Variants in TCAIM observed in about 807,000 individuals in gnomAD.
TCAIM encodes the protein T cell activation inhibitor, mitochondrial, also known as T-cell activation inhibitor, mitochondrial.
A neutral mutation model predicts 58.6 loss-of-function variants in TCAIM; 36 were observed. The ratio of observed to expected loss-of-function variants is 0.61; its 90% confidence interval spans 0.47 to 0.81. The LOEUF is 0.81. TCAIM is among the 30% of genes least tolerant of loss of function. The pLI is 0.00. For synonymous variants in TCAIM, 172 were observed against 193.6 expected (o/e 0.89, Z 0.93); for missense variants, 466 against 579.6 (o/e 0.80, Z 2.01).
intron 3 of TCAIM, 110 bp from the exon 4 acceptor site, chr3:44,361,255 A>T (rs768546718): frequency 9.4e-6 from 9 of 954,376 alleles, no homozygotes; most frequent in Non-Finnish European, 1.3e-5. Flanking sequence ...AACATTTTTA[A>T]ATACTAAATT....
intron 5 of TCAIM, among the ~76,000 whole-genome samples, chr3:44,389,526 A>G (rs1701798074): frequency 6.6e-6 from 1 of 152,214 alleles, no homozygotes; most frequent in South Asian, 2.1e-4. Context: ...TCAATAAATC[A>G]TGCTTTCTCT....
In TCAIM at chr3:44,396,775, A is replaced by G. The variant is rs1429805999; in HGVS notation, c.826A>G (p.Met276Val). 8 of 1,614,106 alleles carry G rather than the reference A, an allele frequency of 5.0e-6. No homozygotes were observed. In the East Asian group the frequency reaches 1.1e-4, roughly 22 times the overall value. The change falls in exon 8 of 11, where the codon ATG becomes GTG. Residue 276 changes from methionine to valine, a missense_variant. By Grantham distance (21) the Met-to-Val change is conservative (BLOSUM62 1). Coordinates refer to ENST00000342649, the MANE Select transcript of TCAIM (RefSeq NM_173826.4). The stretch of plus-strand genomic sequence containing the variant: ...AATCATATTTACAGACCGTTCTGGC[A>G]TGAGTGCAGTGGGCCATGTGATGCT... ...CTIIFTDRSG[M>V]SAVGHVMLGT... is the part of the protein sequence containing the mutation.
chr3:44,370,630 ATTAATAG>A (rs1180235992), intron 5 of TCAIM, among the ~76,000 whole-genome samples: 12 of 151,384 alleles, frequency 7.9e-5, no homozygotes, highest in African/African-American at 2.4e-4. Context: ...ATAAAGTGAA[ATTAATAG>A]TGGCATAGCA....
intron 6 of TCAIM, 74 bp downstream of exon 6, chr3:44,393,051 C>T: frequency 1.5e-6 from 2 of 1,356,412 alleles, no homozygotes; most frequent in South Asian, 2.6e-5. Context: ...TTTTCAGCAG[C>T]TAAATATTTG....
chr3:44,405,709 A>C (rs1702089024), intron 10 of TCAIM, among the ~76,000 whole-genome samples: 1 of 151,936 alleles, frequency 6.6e-6, no homozygotes, highest in Non-Finnish European at 1.5e-5. Flanking sequence ...TAATCCCAGC[A>C]CTTTGGGAGG....
intron 10 of TCAIM, among the ~76,000 whole-genome samples, chr3:44,406,733 T>C (rs1206240222): frequency 6.6e-6 from 1 of 152,230 alleles, no homozygotes; most frequent in Non-Finnish European, 1.5e-5. Context: ...TTTGCTTTAT[T>C]CACGTTGTTA....
Position 44,367,580 on chromosome 3 carries a change from G to A in TCAIM, c.444G>A (p.Gln148=). Reference sequence around the variant, plus strand: ...GCTTGAATACTAATATGCATACCCAGCCTCTCAAAGAAGCTAAAAGGATGC... The same window carrying A: ...GCTTGAATACTAATATGCATACCCAACCTCTCAAAGAAGCTAAAAGGATGC... ...IQSLNTNMHT[Q]PLKEAKRMPD... is the part of the protein sequence containing the mutation. The change falls in exon 5 of 11, where the codon CAG becomes CAA. Residue 148 remains glutamine, a synonymous_variant. Coordinates refer to ENST00000342649, the MANE Select transcript of TCAIM (RefSeq NM_173826.4). The A allele has an allele frequency of 2.5e-6, 4 of 1,614,048 alleles. No individual in the cohort carries two copies. The highest frequency in any genetic ancestry group is 1.7e-6 in the Non-Finnish European group (2 of 1,180,010).
intron 5 of TCAIM, among the ~76,000 whole-genome samples, chr3:44,379,972 CT>C (rs1381576550): frequency 6.6e-6 from 1 of 152,058 alleles, no homozygotes; most frequent in Non-Finnish European, 1.5e-5. Context: ...AAGAAATGGT[CT>C]GTACACGAGA....
At chr3:44,391,876 A>G (rs1701841241) in intron 5 of TCAIM, among the ~76,000 whole-genome samples, 1 of 152,182 alleles carries the variant, frequency 6.6e-6, no homozygotes, top group African/African-American at 2.4e-5. Context: ...ATCAGGACCC[A>G]TTGCCTCTTA....
At chr3:44,375,983 T>G (rs1701558798) in intron 5 of TCAIM, among the ~76,000 whole-genome samples, 1 of 152,258 alleles carries the variant, frequency 6.6e-6, no homozygotes, top group East Asian at 1.9e-4. Flanking sequence ...AATGGAATAT[T>G]ATTTAACCAG....
intron 1 of TCAIM, chr3:44,340,553 T>C (rs1462309509): frequency 2.0e-5 from 3 of 152,352 alleles, no homozygotes; most frequent in African/African-American, 7.2e-5. Context: ...CCTCCTTTGA[T>C]TTTTAGCATA....
At chr3:44,357,705 G>T (rs1257061684) in intron 2 of TCAIM, 36 bp from the exon 3 acceptor site, 1 of 1,610,186 alleles carries the variant, frequency 6.2e-7, no homozygotes, top group Non-Finnish European at 8.5e-7. Context: ...GTGTGTGAGT[G>T]CCTCAATGAA....
At chr3:44,400,635 G>GGTTGT in intron 9 of TCAIM, 48 bp downstream of exon 9, 1 of 1,497,698 alleles carries the variant, frequency 6.7e-7, no homozygotes, top group Non-Finnish European at 9.3e-7. Context: ...CGTCTAGGTG[G>GGTTGT]GTTGTGTGTG....
intron 5 of TCAIM, among the ~76,000 whole-genome samples, chr3:44,384,831 G>A (rs894289667): frequency 3.9e-5 from 6 of 152,154 alleles, no homozygotes; most frequent in Non-Finnish European, 2.9e-5. Flanking sequence ...CTTTGGTCAC[G>A]TCATTCCCCT....
chr3:44,387,388 C>A (rs1701761382), intron 5 of TCAIM, among the ~76,000 whole-genome samples: 1 of 152,232 alleles, frequency 6.6e-6, no homozygotes, highest in Non-Finnish European at 1.5e-5. Context: ...AGCTGTAACA[C>A]AAACAGGGCT....
intron 5 of TCAIM, 75 bp downstream of exon 5, chr3:44,367,783 A>G (rs1701404884): frequency 7.3e-7 from 1 of 1,378,794 alleles, no homozygotes; most frequent in Non-Finnish European, 9.6e-7. Flanking sequence ...GGGATGGCAA[A>G]AACATTTTTT....
intron 4 of TCAIM, chr3:44,362,672 A>T (rs746723505): frequency 2.8e-6 from 1 of 353,360 alleles, no homozygotes; most frequent in South Asian, 1.5e-4. Context: ...AAGTCAATTC[A>T]TAGCCCTTTT....
chr3:44,345,800 G>A (rs1173499122), intron 1 of TCAIM, among the ~76,000 whole-genome samples: 3 of 152,216 alleles, frequency 2.0e-5, no homozygotes, highest in East Asian at 1.9e-4. Context: ...TCCACTTTAA[G>A]AGAGACTTAA....
At chr3:44,346,121 C>T (rs1358204012) in intron 1 of TCAIM, among the ~76,000 whole-genome samples, 1 of 152,142 alleles carries the variant, frequency 6.6e-6, no homozygotes, top group African/African-American at 2.4e-5. Flanking sequence ...TTGTCCAGTC[C>T]TTTTTAAGTT....
Sources: allele counts gnomAD v4.1 joint callset (sites outside exome capture counted in the v4.1 genomes callset), GRCh38; gene constraint gnomAD v4.1.1; transcripts MANE v1.5; gene names NCBI Gene and HGNC (gene_info 2026-07-23, HGNC 2026-07-21).